Variants in KLHL13 observed in about 807,000 individuals in gnomAD.
KLHL13 encodes kelch-like protein 13.
KLHL13 carries 10 observed loss-of-function variants against 37.1 expected under a neutral mutation model. That is an observed-to-expected ratio of 0.27 (90% confidence interval 0.17 to 0.46). KLHL13 has a LOEUF of 0.46. Ranked by LOEUF, KLHL13 falls within the 20% of genes least tolerant of loss-of-function variation. The pLI is 1.00. For synonymous variants in KLHL13, 163 were observed against 181.2 expected (o/e 0.90, Z 0.81); for missense variants, 360 against 509.3 (o/e 0.71, Z 2.82).
rs1929855556 is a variant in KLHL13 at position 117,898,197 on chromosome X, T to C, written c.*711A>G. The C allele has an allele frequency of 2.7e-5, 3 of 112,385 alleles. No individual in the cohort carries two copies. In the South Asian group the frequency reaches 1.1e-3, roughly 41 times the overall value. The allele number at this position is 112,385 out of a possible 1,213,427, so 9.3% of individuals were successfully genotyped here. A position where few individuals can be genotyped will look rare whatever the true frequency, so the allele number is the denominator to read the frequency against. On this transcript the variant is annotated 3_prime_UTR_variant, in exon 7 of 7. Coordinates refer to ENST00000262820, the Ensembl canonical transcript of KLHL13. ...TGCCACTCAATTTTTAAAAAAATTA[T>C]ATTTGACATATGTGCATGTGTGTAT... is the stretch of plus-strand genomic sequence containing the variant.
rs1211776688 is a variant in KLHL13, at chrX:117,909,881, A to T, written c.786T>A (p.Cys262Ter). ...GAGGCTCTTCCAGGCGAAGCCAACG[A>T]CAGGTAGCCTTAAAGAGCTCAAGTT... The change falls in exon 5 of 7, where the codon TGT becomes TGA. Residue 262 changes from cysteine to a stop codon, truncating the protein, a stop_gained. Coordinates refer to ENST00000262820, the Ensembl canonical transcript of KLHL13. LOFTEE classifies it high-confidence loss of function. 8.3e-7 allele frequency: 1 copy of T among 1,211,704 alleles called. No individual in the cohort carries two copies. The highest frequency in any genetic ancestry group is 1.8e-5 in the South Asian group (1 of 57,023).
intron 5 of KLHL13, among the ~76,000 whole-genome samples, chrX:117,908,036 T>C (rs1331244466): frequency 2.7e-5 from 3 of 110,069 alleles, no homozygotes; most frequent in Non-Finnish European, 5.7e-5. Context: ...CCCAGCTCTA[T>C]GGAGCCTGGA....
At chrX:117,977,339 G>A (rs2053607311), upstream of KLHL13, among the ~76,000 whole-genome samples, 2 of 111,761 alleles carry the variant, frequency 1.8e-5, no homozygotes, top group South Asian at 3.7e-4. Context: ...AAGAGAAAAC[G>A]TAAATATATT....
intron 1 of KLHL13, among the ~76,000 whole-genome samples, chrX:118,033,374 T>C (rs2054386593): frequency 1.8e-5 from 2 of 111,431 alleles, no homozygotes; most frequent in East Asian, 5.6e-4. Flanking sequence ...GGGAAGCCCA[T>C]CAGACTAACA....
chrX:117,992,856 T>C (rs1405260965), intron 1 of KLHL13, among the ~76,000 whole-genome samples: 1 of 111,980 alleles, frequency 8.9e-6, no homozygotes, highest in Non-Finnish European at 1.9e-5. Flanking sequence ...ATGAAGACTG[T>C]AAACTAGCTT....
chrX:117,903,568 C>T (rs1930291949), intron 5 of KLHL13, among the ~76,000 whole-genome samples: 1 of 110,824 alleles, frequency 9.0e-6, no homozygotes. Flanking sequence ...TTTCTATTTG[C>T]CTTTGGCATG....
intron 1 of KLHL13, among the ~76,000 whole-genome samples, chrX:118,038,968 T>C (rs1217352948): frequency 8.9e-6 from 1 of 111,820 alleles, no homozygotes; most frequent in Non-Finnish European, 1.9e-5. Flanking sequence ...TTACCTACAG[T>C]AGGCTAGGAC....
At chrX:117,983,091 G>C (rs773613143) in intron 1 of KLHL13, among the ~76,000 whole-genome samples, 3 of 107,043 alleles carry the variant, frequency 2.8e-5, no homozygotes, top group Non-Finnish European at 5.8e-5. Flanking sequence ...CTTTTTCCAT[G>C]AGGAAGAAGG....
Position 118,057,770 on chromosome X carries a change from G to A in KLHL13, c.-56+58738C>T, listed in dbSNP as rs1234016391. ...GAACCTGGGAGGCAGAGCTTGCAGT[G>A]AGCCAAGATTGTGCCACTGCACTCC... On this transcript the variant is annotated intron_variant, in intron 1 of 6. Coordinates refer to the KLHL13 transcript ENST00000371882. 4.5e-5 allele frequency among the ~76,000 whole-genome samples: 5 copies of A among 110,328 alleles called. No individual in the cohort carries two copies. In the East Asian group the frequency reaches 1.4e-3, roughly 31 times the overall value.
intron 1 of KLHL13, among the ~76,000 whole-genome samples, chrX:118,053,844 A>AGGGGGGGG (rs34634118): frequency 7.1e-5 from 1 of 14,127 alleles, no homozygotes; most frequent in Non-Finnish European, 1.5e-4. Context: ...AGAGAGAGAG[A>AGGGGGGGG]GAGAGGAGAG....
chrX:117,960,753 T>C (rs1393517922), intron 1 of KLHL13, among the ~76,000 whole-genome samples: 1 of 112,087 alleles, frequency 8.9e-6, no homozygotes, highest in Non-Finnish European at 1.9e-5. Context: ...GGTAGAAATG[T>C]AGAGTCCTTT....
rs6646073 is a variant in KLHL13 at position 118,089,877 on chromosome X, G to A, written c.-56+26631C>T. Among the ~76,000 whole-genome samples the A allele has an allele frequency of 6.9e-3, 755 of 109,740 alleles. 8 individuals carry two copies. The highest frequency in any genetic ancestry group is 0.022 in the African/African-American group (650 of 30,153). ...GTGGATCACTTGAGGTCAGGAGTTC[G>A]AGACCAGCCTTGCCAACATGGTGAA... is the stretch of plus-strand genomic sequence containing the variant. On this transcript the variant is annotated intron_variant, in intron 1 of 6. Coordinates refer to the KLHL13 transcript ENST00000371882.
intron 2 of KLHL13, 32 bp from the exon 4 acceptor site, chrX:117,920,402 C>G: frequency 1.7e-6 from 2 of 1,189,375 alleles, no homozygotes; most frequent in Non-Finnish European, 2.3e-6. Flanking sequence ...AGTCACTAAT[C>G]AAGGTAAAAT....
chrX:118,052,721 G>A (rs2054630851), intron 1 of KLHL13, among the ~76,000 whole-genome samples: 2 of 109,195 alleles, frequency 1.8e-5, no homozygotes, highest in Non-Finnish European at 3.8e-5. Flanking sequence ...CAGCTACTCA[G>A]GAGGCTGAGG....
At chrX:118,108,920 C>G (rs192725631) in intron 1 of KLHL13, among the ~76,000 whole-genome samples, 4 of 111,743 alleles carry the variant, frequency 3.6e-5, no homozygotes, top group Non-Finnish European at 7.5e-5. Flanking sequence ...GATCCTCCTG[C>G]CTAAACCTCT....
intron 1 of KLHL13, among the ~76,000 whole-genome samples, chrX:118,077,350 G>C (rs1284681332): frequency 9.1e-6 from 1 of 110,108 alleles, no homozygotes. Flanking sequence ...AGGACGTTTG[G>C]GGCTGGTCCT....
chrX:118,089,620 G>GAGAAAGAAAGAAAGAAAGAAAGAAAGAA (rs3046168), intron 1 of KLHL13, among the ~76,000 whole-genome samples: 9 of 71,918 alleles, frequency 1.3e-4, no homozygotes, highest in Middle Eastern at 7.8e-3. Context: ...GAGAAAGAAA[G>GAGAAAGAAAGAAAGAAAGAAAGAAAGAA]AGAAAGAAAG....
intron 1 of KLHL13, among the ~76,000 whole-genome samples, chrX:118,052,818 C>T (rs1001372797): frequency 2.8e-5 from 3 of 106,354 alleles, no homozygotes; most frequent in Non-Finnish European, 3.8e-5. Context: ...CAGAGCAAGA[C>T]GCCATCTCAA....
chrX:118,051,710 C>T (rs1208031666), intron 1 of KLHL13, among the ~76,000 whole-genome samples: 1 of 110,905 alleles, frequency 9.0e-6, no homozygotes, highest in Admixed American at 9.6e-5. Context: ...ATGCAAACTT[C>T]CCTCAAATTG....
Sources: gnomAD v4.1 joint callset for allele counts (sites outside exome capture counted in the v4.1 genomes callset) on GRCh38, gnomAD v4.1.1 for gene constraint, MANE v1.5 for transcripts, NCBI Gene and HGNC (gene_info 2026-07-23, HGNC 2026-07-21) for gene names.